TPST2: variants seen among roughly 807,000 people sequenced by gnomAD.
TPST2 encodes tyrosylprotein sulfotransferase 2.
In TPST2, 16 loss-of-function variants were observed where a neutral mutation model predicts 27.8. The ratio of observed to expected loss-of-function variants is 0.58; its 90% CI spans 0.39 to 0.88. TPST2 has a LOEUF of 0.88. TPST2 is among the 40% of genes least tolerant of loss of function. The pLI is 0.00. For missense variants in TPST2, 464 were observed against 543.1 expected, an observed-to-expected ratio of 0.85 and a Z score of 1.45; for synonymous variants, 229 against 231.7, an observed-to-expected ratio of 0.99 and a Z score of 0.10.
At chr22:26,545,476 G>T (rs1926068766) in intron 1 of TPST2, among the ~76,000 whole-genome samples, 1 of 152,206 alleles carries the variant, frequency 6.6e-6, no homozygotes, top group African/African-American at 2.4e-5. Context: ...AGGGCAGGGA[G>T]TATATATCTC....
At chr22:26,572,036 G>C (rs548790976) in intron 1 of TPST2, among the ~76,000 whole-genome samples, 46 of 152,228 alleles carry the variant, frequency 3.0e-4, no homozygotes, top group African/African-American at 1.0e-3. Context: ...ACGTGGCTTA[G>C]AGGGGTGTCA....
chr22:26,577,240 G>A (rs1264227058), intron 1 of TPST2, among the ~76,000 whole-genome samples: 8 of 150,016 alleles, frequency 5.3e-5, no homozygotes, highest in Admixed American at 4.7e-4. Flanking sequence ...AATCCAGCCT[G>A]GGTGACAGGG....
At chr22:26,582,135 T>C (rs752937320) in intron 1 of TPST2, among the ~76,000 whole-genome samples, 1 of 152,186 alleles carries the variant, frequency 6.6e-6, no homozygotes, top group Non-Finnish European at 1.5e-5. Flanking sequence ...CTAATCAGAA[T>C]GTGCACTTTA....
chr22:26,540,998 G>A lies in TPST2; in HGVS notation c.633C>T (p.Leu211=), dbSNP rs753691008. ...CCTCGATGGCCTTGTTCCACTTGGT[G>A]AGGCAGTCACGGTAGCTGCTGAGGT... ...GFDLSSYRDC[L]TKWNKAIEVM... The change falls in exon 3 of 7, where the codon CTC becomes CTT. Residue 211 remains leucine (L), a synonymous_variant. Coordinates refer to ENST00000338754, the MANE Select transcript of TPST2 (RefSeq NM_003595.5). The A allele has an allele frequency of 6.2e-7, 1 of 1,614,184 alleles. No individual in the cohort carries two copies.
intron 4 of TPST2, among the ~76,000 whole-genome samples, chr22:26,533,857 G>T (rs1306186025): frequency 2.6e-5 from 4 of 151,980 alleles, no homozygotes; most frequent in African/African-American, 9.7e-5. Flanking sequence ...AATATTTTTA[G>T]TAGAGATGAG....
intron 1 of TPST2, among the ~76,000 whole-genome samples, chr22:26,581,046 ACACACACG>A (rs1366672539): frequency 0.025 from 1,425 of 57,788 alleles, 16 homozygotes; most frequent in African/African-American, 0.062. Context: ...ACACACACAC[ACACACACG>A]CACACACACA....
chr22:26,556,170 A>G (rs1926780730), intron 1 of TPST2, among the ~76,000 whole-genome samples: 1 of 152,216 alleles, frequency 6.6e-6, no homozygotes, highest in African/African-American at 2.4e-5. Context: ...AAAGCAATCA[A>G]TAACAAGATC....
Position 26,525,728 on chromosome 22 carries a change from GAAAA to G in TPST2, c.*543_*546del, listed in dbSNP as rs888141875. 2.0e-5 allele frequency: 3 copies of G among 148,134 alleles called. No homozygotes were observed. Among genetic ancestry groups the G allele is most frequent in the Non-Finnish European group, 4.5e-5 (3 of 66,780 alleles). 9.2% of individuals were successfully genotyped at this position (148,134 alleles called of 1,614,324 possible). A position where few individuals can be genotyped will look rare whatever the true frequency, so the allele number is the denominator to read the frequency against. ...TACCTGACAAAATCCAGTATGGAAA[GAAAA>G]AAAAAACCCTATTCATTCAGTAAAG... is the stretch of plus-strand genomic sequence containing the variant. On this transcript the variant is annotated 3_prime_UTR_variant, in exon 7 of 7. Coordinates refer to ENST00000338754, the MANE Select transcript of TPST2 (RefSeq NM_003595.5).
intron 1 of TPST2, among the ~76,000 whole-genome samples, chr22:26,587,590 C>G (rs1928391774): frequency 6.6e-6 from 1 of 152,126 alleles, no homozygotes; most frequent in Admixed American, 6.5e-5. Context: ...ACCTGCCCAC[C>G]TTAGCTCCCA....
chr22:26,523,027 AG>A lies in TPST2; in HGVS notation c.*3247del, dbSNP rs1924639607. ...AGTGAGCTGTGTTTGCAGGAGTTAG[AG>A]GTTGCAGTGAGCTGTGTTTGCAGGA... On this transcript the variant is annotated 3_prime_UTR_variant, in exon 7 of 7. Transcript: ENST00000338754. The A allele has an allele frequency of 6.6e-6, 1 of 151,786 alleles. No individual in the cohort carries two copies. The highest frequency in any genetic ancestry group is 2.4e-5 in the African/African-American group (1 of 41,252). 9.4% of individuals were successfully genotyped at this position (151,786 alleles called of 1,614,324 possible).
At chr22:26,526,399 C>A (rs1432879220) in intron 6 of TPST2, 132 bp from the exon 7 acceptor site, 1 of 152,208 alleles carries the variant, frequency 6.6e-6, no homozygotes, top group Admixed American at 6.5e-5. Context: ...AAGAATGCAT[C>A]CCAGATGGCC....
intron 3 of TPST2, among the ~76,000 whole-genome samples, 168 bp downstream of exon 3, chr22:26,540,621 G>C (rs1484396119): frequency 6.6e-6 from 1 of 152,192 alleles, no homozygotes; most frequent in East Asian, 1.9e-4. Context: ...TCTCAGAAAG[G>C]AGAGGAGTAA....
chr22:26,580,149 CAGG>C (rs1298274504), intron 1 of TPST2, among the ~76,000 whole-genome samples: 1 of 152,066 alleles, frequency 6.6e-6, no homozygotes, highest in Non-Finnish European at 1.5e-5. Flanking sequence ...GAGGCTGAGG[CAGG>C]AGAATTGCTT....
chr22:26,558,024 T>C (rs957777881), intron 1 of TPST2, among the ~76,000 whole-genome samples: 4 of 150,140 alleles, frequency 2.7e-5, no homozygotes, highest in East Asian at 1.9e-4. Context: ...TCTGGCCTGG[T>C]TGACAGAGGG....
intron 1 of TPST2, among the ~76,000 whole-genome samples, chr22:26,576,821 G>A (rs1927855132): frequency 6.6e-6 from 1 of 151,818 alleles, no homozygotes; most frequent in Admixed American, 6.6e-5. Context: ...AAAAGGCCGG[G>A]CGCGGTGGCT....
At position 26,549,859 on chromosome 22, in the gene TPST2, C is replaced by T. The variant is rs564986844; in HGVS notation, c.-160-5184G>A. On this transcript the variant is annotated intron_variant, in intron 1 of 6. Coordinates refer to ENST00000338754, the MANE Select transcript of TPST2 (RefSeq NM_003595.5). ...TCCTGGCTAACACGGTGAAACCCCC[C>T]TCTCTACTAAAAAAAAAAAAAAAAA... Among the ~76,000 whole-genome samples the T allele has an allele frequency of 3.7e-5, 5 of 135,008 alleles. No homozygotes were observed. The East Asian group carries it at 6.4e-4, about 17-fold the overall frequency. 88.6% of individuals were successfully genotyped at this position (135,008 alleles called of 152,430 possible).
rs568276189 is a variant in TPST2 at position 26,585,018 on chromosome 22, A to G, written c.-161+5035T>C. 1.6e-4 allele frequency among the ~76,000 whole-genome samples: 24 copies of G among 152,296 alleles called. No individual in the cohort carries two copies. In the East Asian group the frequency reaches 3.3e-3, roughly 21 times the overall value. ...CTGGTACCAAGATAAGTGCTTTACCACCATTCCCTTCCATCCAGCACCCCT... is the reference window on the plus strand; with the variant it reads ...CTGGTACCAAGATAAGTGCTTTACCGCCATTCCCTTCCATCCAGCACCCCT... On this transcript the variant is annotated intron_variant, in intron 1 of 6. Transcript: ENST00000338754.
intron 1 of TPST2, among the ~76,000 whole-genome samples, chr22:26,558,138 C>T (rs1203561797): frequency 6.2e-5 from 3 of 48,260 alleles, no homozygotes; most frequent in Non-Finnish European, 1.1e-4. Flanking sequence ...CACACACACA[C>T]ACACACACAC....
intron 5 of TPST2, among the ~76,000 whole-genome samples, chr22:26,529,783 C>T (rs1043982553): frequency 2.6e-5 from 4 of 152,036 alleles, no homozygotes; most frequent in African/African-American, 7.2e-5. Flanking sequence ...TGCAGTGGCA[C>T]GAACATGTGC....
Sources: allele counts gnomAD v4.1 joint callset (sites outside exome capture counted in the v4.1 genomes callset), GRCh38; gene constraint gnomAD v4.1.1; transcripts MANE v1.5; gene names NCBI Gene and HGNC (gene_info 2026-07-23, HGNC 2026-07-21).